The following ZFPM2 variants were observed in gnomAD, a reference collection of about 807,000 sequenced individuals.
ZFPM2 encodes the protein zinc finger protein ZFPM2.
ZFPM2 carries 20 observed loss-of-function variants against 98.6 expected under a neutral mutation model. The ratio of observed to expected loss-of-function variants is 0.20; its 90% CI spans 0.14 to 0.29. ZFPM2 has a LOEUF of 0.29. Among genes scored for constraint, ZFPM2 ranks in the 10% least tolerant of loss-of-function variants. The pLI, the probability that ZFPM2 is intolerant of heterozygous loss-of-function variation, is 1.00. For missense variants in ZFPM2, 1,310 were observed against 1,388.6 expected, an observed-to-expected ratio of 0.94 and a Z score of 0.90; for synonymous variants, 518 against 502.7, an observed-to-expected ratio of 1.03 and a Z score of -0.41.
At chr8:105,705,692 C>G (rs1811240994) in intron 5 of ZFPM2, among the ~76,000 whole-genome samples, 2 of 152,158 alleles carry the variant, frequency 1.3e-5, no homozygotes, top group Non-Finnish European at 2.9e-5. Context: ...CAGAGCCACA[C>G]AGACTGCAGT....
At chr8:105,612,269 G>C (rs944505389) in intron 4 of ZFPM2, among the ~76,000 whole-genome samples, 4 of 151,482 alleles carry the variant, frequency 2.6e-5, no homozygotes, top group Admixed American at 6.6e-5. Context: ...ATTTCAAAAG[G>C]GCATTTTTAC....
intron 2 of ZFPM2, among the ~76,000 whole-genome samples, chr8:105,422,945 C>T (rs1811833555): frequency 6.6e-6 from 1 of 152,110 alleles, no homozygotes. Context: ...TTCTATTATA[C>T]AGGATATTTT....
At chr8:105,633,581 G>A (rs1162985245) in intron 4 of ZFPM2, among the ~76,000 whole-genome samples, 1 of 152,086 alleles carries the variant, frequency 6.6e-6, no homozygotes, top group African/African-American at 2.4e-5. Flanking sequence ...ACTTGTCTCC[G>A]TGCTTCTGTG....
chr8:105,477,278 T>C lies in ZFPM2; in HGVS notation c.301+32897T>C, dbSNP rs1586400860. ...TTTTTTTTTTGAGACGAAGTCTAACTCTATCACCTAGGCCAGAGTGCAGTG... is the reference window on the plus strand; with the variant it reads ...TTTTTTTTTTGAGACGAAGTCTAACCCTATCACCTAGGCCAGAGTGCAGTG... On this transcript the variant is annotated intron_variant, in intron 3 of 7. Coordinates refer to ENST00000407775, the MANE Select transcript of ZFPM2 (RefSeq NM_012082.4). Among the ~76,000 whole-genome samples, 3 of 130,968 alleles carry C rather than the reference T, an allele frequency of 2.3e-5. No homozygotes were observed. The South Asian group carries it at 8.4e-4, about 36-fold the overall frequency. The allele number at this position is 130,968 out of a possible 152,430, so 85.9% of individuals were successfully genotyped here.
At chr8:105,779,594 T>C (rs1335275906) in intron 5 of ZFPM2, among the ~76,000 whole-genome samples, 1 of 152,206 alleles carries the variant, frequency 6.6e-6, no homozygotes, top group Non-Finnish European at 1.5e-5. Context: ...GGTCGAACAA[T>C]ATAATTGAAG....
At chr8:105,668,701 A>G (rs1817531681) in intron 5 of ZFPM2, among the ~76,000 whole-genome samples, 1 of 152,212 alleles carries the variant, frequency 6.6e-6, no homozygotes, top group Admixed American at 6.5e-5. Context: ...ATGAATCATT[A>G]TACGTATTTA....
intron 4 of ZFPM2, among the ~76,000 whole-genome samples, chr8:105,604,791 ACT>A (rs1028867413): frequency 4.6e-5 from 7 of 151,770 alleles, no homozygotes. Flanking sequence ...AGCAAACAAG[ACT>A]CTGTTATTGT....
chr8:105,468,829 T>TAA (rs1812843070), intron 3 of ZFPM2, among the ~76,000 whole-genome samples: 1 of 152,216 alleles, frequency 6.6e-6, no homozygotes, highest in Non-Finnish European at 1.5e-5. Context: ...AAGTTATTAC[T>TAA]AGTTATTGTA....
intron 7 of ZFPM2, among the ~76,000 whole-genome samples, chr8:105,800,739 G>T (rs979986236): frequency 6.6e-6 from 1 of 152,044 alleles, no homozygotes; most frequent in Non-Finnish European, 1.5e-5. Flanking sequence ...TCACTTAATA[G>T]CTTTATTAAC....
intron 5 of ZFPM2, among the ~76,000 whole-genome samples, chr8:105,647,890 C>T (rs1272373836): frequency 6.6e-6 from 1 of 152,064 alleles, no homozygotes; most frequent in Non-Finnish European, 1.5e-5. Flanking sequence ...TGGGTATATA[C>T]CCAGTAATGG....
chr8:105,792,882 G>C (rs1813663411), intron 6 of ZFPM2, among the ~76,000 whole-genome samples: 2 of 152,128 alleles, frequency 1.3e-5, no homozygotes, highest in Admixed American at 6.5e-5. Flanking sequence ...TTTAAAGTCT[G>C]TTTTATCAGA....
chr8:105,622,554 G>T (rs752692716), intron 4 of ZFPM2, among the ~76,000 whole-genome samples: 1 of 152,108 alleles, frequency 6.6e-6, no homozygotes, highest in Non-Finnish European at 1.5e-5. Flanking sequence ...ATTAATAAAG[G>T]TTTATCTCAT....
chr8:105,526,261 C>T (rs1271949522), intron 3 of ZFPM2, among the ~76,000 whole-genome samples: 1 of 152,100 alleles, frequency 6.6e-6, no homozygotes, highest in Non-Finnish European at 1.5e-5. Context: ...AAATCATTCC[C>T]TCCAGAGCCT....
chr8:105,531,232 A>G (rs1380008914), intron 3 of ZFPM2, among the ~76,000 whole-genome samples: 2 of 152,240 alleles, frequency 1.3e-5, no homozygotes, highest in South Asian at 2.1e-4. Context: ...AACAAAATGG[A>G]TGGCTAAAAT....
At chr8:105,463,898 T>G (rs1432943702) in intron 3 of ZFPM2, among the ~76,000 whole-genome samples, 1 of 152,106 alleles carries the variant, frequency 6.6e-6, no homozygotes, top group Non-Finnish European at 1.5e-5. Context: ...CAACATATTG[T>G]AAGTGAACTC....
At chr8:105,454,663 A>C (rs867873235) in intron 3 of ZFPM2, among the ~76,000 whole-genome samples, 2 of 152,196 alleles carry the variant, frequency 1.3e-5, no homozygotes, top group African/African-American at 4.8e-5. Context: ...GCTGGTTTTC[A>C]CATTTTGTCA....
chr8:105,370,683 AG>A (rs1810603834), intron 1 of ZFPM2, among the ~76,000 whole-genome samples: 1 of 152,232 alleles, frequency 6.6e-6, no homozygotes. Context: ...CTTTTGATAA[AG>A]ACACTTATTG....
chr8:105,377,605 TCCAAAAAAAAA>T (rs1462240882), intron 1 of ZFPM2, among the ~76,000 whole-genome samples: 1 of 9,842 alleles, frequency 1.0e-4, no homozygotes, highest in African/African-American at 3.5e-4. Flanking sequence ...TTCTTAAAAA[TCCAAAAAAAAA>T]AAAAAAAAAA....
At chr8:105,389,221 G>C (rs970878829) in intron 1 of ZFPM2, among the ~76,000 whole-genome samples, 8 of 152,070 alleles carry the variant, frequency 5.3e-5, no homozygotes, top group African/African-American at 1.9e-4. Flanking sequence ...TAAACAGATG[G>C]ATGTTGGAAT....
Sources: gnomAD v4.1 joint callset for allele counts (sites outside exome capture counted in the v4.1 genomes callset) on GRCh38, gnomAD v4.1.1 for gene constraint, MANE v1.5 for transcripts, NCBI Gene and HGNC (gene_info 2026-07-23, HGNC 2026-07-21) for gene names.